Variants in TPCN2 observed in about 807,000 individuals in gnomAD.
The protein encoded by TPCN2 is two pore channel protein 2.
In TPCN2, 92 loss-of-function variants were observed where a neutral mutation model predicts 111.4. The observed-to-expected ratio is 0.83, with a 90% CI of 0.70 to 0.98. The LOEUF is 0.98. TPCN2 is among the 50% of genes least tolerant of loss of function. The pLI is 0.00. For missense variants in TPCN2, 995 were observed against 980.1 expected (o/e 1.02, Z -0.20); for synonymous variants, 405 against 414.5 (o/e 0.98, Z 0.28).
At chr11:69,059,093 C>G (rs946843444) in intron 5 of TPCN2, among the ~76,000 whole-genome samples, 2 of 152,238 alleles carry the variant, frequency 1.3e-5, no homozygotes, top group Non-Finnish European at 2.9e-5. Context: ...CAGCTCCCCA[C>G]CTGGCCCGGG....
Position 69,081,511 on chromosome 11 carries a change from C to A in TPCN2, c.1689+12C>A. ...TCCCCAGCATGAAGGTGTGTGCCGG[C>A]CCCACCCCCACTCGCCCCACCCTCC... On this transcript the variant is annotated intron_variant, in intron 18 of 24. Coordinates refer to ENST00000294309, the MANE Select transcript of TPCN2 (RefSeq NM_139075.4). The A allele has an allele frequency of 6.5e-7, 1 of 1,531,970 alleles. No individual in the cohort carries two copies. 94.9% of individuals were successfully genotyped at this position (1,531,970 alleles called of 1,614,324 possible).
At chr11:69,057,941 G>A (rs911466727) in intron 5 of TPCN2, among the ~76,000 whole-genome samples, 9 of 152,200 alleles carry the variant, frequency 5.9e-5, no homozygotes, top group East Asian at 1.9e-4. Flanking sequence ...TTTTGAGGGC[G>A]GACCTGGGAG....
rs879476129 is a variant in TPCN2 at position 69,070,456 on chromosome 11, C to T, written c.856C>T (p.Arg286Trp). 8.7e-6 allele frequency: 14 copies of T among 1,611,712 alleles called. No individual in the cohort carries two copies. The highest frequency in any genetic ancestry group is 2.2e-5 in the East Asian group (1 of 44,858). ...DVMIPAYSKN[R>W]AYAIFFIVFT... ...GATGATTCCTGCGTATTCCAAGAAC[C>T]GGGCCTATGCCATCTTCTTCATAGT... The change falls in exon 9 of 25, where the codon CGG (arginine) becomes TGG (tryptophan). Residue 286 changes from arginine to tryptophan, a missense_variant. Arg to Trp is a moderately radical substitution (Grantham distance 101). Transcript: ENST00000294309.
intron 10 of TPCN2, 106 bp downstream of exon 10, chr11:69,071,526 T>G (rs1245709751): frequency 2.9e-6 from 3 of 1,030,022 alleles, no homozygotes; most frequent in Non-Finnish European, 4.4e-6. Context: ...AGGCCCCTGG[T>G]GGGACGGGAG....
At chr11:69,084,412 C>T (rs1590753396) in intron 19 of TPCN2, among the ~76,000 whole-genome samples, 2 of 152,196 alleles carry the variant, frequency 1.3e-5, no homozygotes, top group Admixed American at 6.5e-5. Flanking sequence ...AGGACTTGGT[C>T]GAGGCTCCTT....
chr11:69,081,726 C>A (rs1380203825), intron 18 of TPCN2, among the ~76,000 whole-genome samples: 1 of 152,142 alleles, frequency 6.6e-6, no homozygotes, highest in Admixed American at 6.5e-5. Flanking sequence ...GGAAGGCGGG[C>A]AAGGGTGTGG....
chr11:69,071,314 T>C (rs1855525741), intron 9 of TPCN2, 42 bp from the exon 10 acceptor site: 11 of 1,567,710 alleles, frequency 7.0e-6, no homozygotes, highest in Admixed American at 1.7e-5. Flanking sequence ...GTTTTGCTGC[T>C]GTACTGGTGG....
rs562883740 is a variant in TPCN2 at position 69,067,176 on chromosome 11, A to G, written c.727-327A>G. ...TGCCCCGTAGCCTCACTGCTTGCAC[A>G]GTGCATGGCAGAGTCGGCTGCGAGC... On this transcript the variant is annotated intron_variant, in intron 7 of 24. Transcript: ENST00000294309. Among the ~76,000 whole-genome samples the G allele has an allele frequency of 2.2e-4, 33 of 152,292 alleles. 1 individual carries two copies. The South Asian group carries it at 6.8e-3, about 32-fold the overall frequency.
chr11:69,085,089 G>C, intron 19 of TPCN2, 121 bp from the exon 20 acceptor site: 1 of 1,009,386 alleles, frequency 9.9e-7, no homozygotes, highest in South Asian at 1.3e-5. Flanking sequence ...TGGAATCCCA[G>C]CCCTGGGCAG....
chr11:69,081,332 C>A, intron 17 of TPCN2, 68 bp from the exon 18 acceptor site: 2 of 1,096,748 alleles, frequency 1.8e-6, no homozygotes, highest in Non-Finnish European at 2.6e-6. Context: ...GGAACCCGCG[C>A]GTTTCCTTGT....
chr11:69,062,834 G>A (rs766121693), intron 5 of TPCN2, 50 bp from the exon 6 acceptor site: 3 of 1,556,616 alleles, frequency 1.9e-6, no homozygotes, highest in East Asian at 2.2e-5. Context: ...GTCGGTGAGG[G>A]GTAGAACTAA....
chr11:69,071,831 C>A, intron 10 of TPCN2, 92 bp from the exon 11 acceptor site: 4 of 1,219,416 alleles, frequency 3.3e-6, no homozygotes, highest in Non-Finnish European at 4.7e-6. Flanking sequence ...TGCCCAGACT[C>A]CCCCTCTGCC....
chr11:69,085,749 T>G lies in TPCN2; in HGVS notation c.1917T>G (p.Phe639Leu). The G allele has an allele frequency of 6.2e-7, 1 of 1,614,086 alleles. No individual in the cohort carries two copies. The change falls in exon 21 of 25, where the codon TTT becomes TTG. Residue 639 changes from phenylalanine (F) to leucine (L), a missense_variant. Transcript: ENST00000294309. Reference sequence around the variant, plus strand: ...ACTGGGCCAACAACTTCGATGACTTTGCGGTGAGCCCTGCGCCCTGTCCCA... The same window carrying G: ...ACTGGGCCAACAACTTCGATGACTTGGCGGTGAGCCCTGCGCCCTGTCCCA... ...LEYWANNFDD[F>L]AAALVTLWNL...
Position 69,087,946 on chromosome 11 carries a change from G to A in TPCN2, c.2252G>A (p.Cys751Tyr). 1.2e-6 allele frequency: 2 copies of A among 1,608,734 alleles called. No individual in the cohort carries two copies. The highest frequency in any genetic ancestry group is 1.3e-5 in the African/African-American group (1 of 74,982). ...RLSQHPHLWL[C>Y]R is the part of the protein sequence containing the mutation. Reference sequence around the variant, plus strand: ...AGCCAGCACCCGCACCTGTGGCTGTGCAGGTGACGTCCGGGCTGCCGTCCC... The same window carrying A: ...AGCCAGCACCCGCACCTGTGGCTGTACAGGTGACGTCCGGGCTGCCGTCCC... Residue 751 changes from cysteine to tyrosine, a missense_variant, in exon 25 of 25, where the codon TGC (cysteine) becomes TAC (tyrosine). Transcript: ENST00000294309.
intron 18 of TPCN2, 105 bp downstream of exon 18, chr11:69,081,604 C>CAGG: frequency 2.5e-6 from 2 of 798,966 alleles, no homozygotes; most frequent in Non-Finnish European, 3.9e-6. Flanking sequence ...GGACTGTGCC[C>CAGG]GTCACCCTGG....
At chr11:69,063,789 G>A in intron 6 of TPCN2, 106 bp from the exon 7 acceptor site, 1 of 1,060,094 alleles carries the variant, frequency 9.4e-7, no homozygotes, top group Non-Finnish European at 1.4e-6. Flanking sequence ...ATCCACCCCA[G>A]CTGCTGCAGA....
chr11:69,054,384 T>C, intron 2 of TPCN2: 1 of 572,198 alleles, frequency 1.7e-6, no homozygotes, highest in South Asian at 2.1e-5. Context: ...ATGACACAGC[T>C]GCACGGGGCG....
Position 69,055,320 on chromosome 11 carries a change from C to T in TPCN2, c.397C>T (p.Leu133=). 1 of 1,612,740 alleles carries T rather than the reference C, an allele frequency of 6.2e-7. No individual in the cohort carries two copies. The highest frequency in any genetic ancestry group is 8.5e-7 in the Non-Finnish European group (1 of 1,179,640). The change falls in exon 4 of 25, where the codon CTG becomes TTG. Residue 133 remains leucine (L), a synonymous_variant. Coordinates refer to ENST00000294309, the MANE Select transcript of TPCN2 (RefSeq NM_139075.4). ...GLTESVEVLC[L]LVFAADLSVK... is the part of the protein sequence containing the mutation. ...GACCGAGAGTGTCGAGGTGCTCTGC[C>T]TGCTGGTCTTTGCGGCCGACCTCTC...
At chr11:69,057,847 G>C (rs1177006831) in intron 5 of TPCN2, among the ~76,000 whole-genome samples, 153 bp downstream of exon 5, 1 of 152,222 alleles carries the variant, frequency 6.6e-6, no homozygotes, top group African/African-American at 2.4e-5. Flanking sequence ...TCCTTCACTT[G>C]TTGGCTGGGG....
Sources: gnomAD v4.1 joint callset for allele counts (sites outside exome capture counted in the v4.1 genomes callset) on GRCh38, gnomAD v4.1.1 for gene constraint, MANE v1.5 for transcripts, NCBI Gene and HGNC (gene_info 2026-07-23, HGNC 2026-07-21) for gene names.